Variants in RRAGD observed in about 807,000 individuals in gnomAD.
The protein encoded by RRAGD is ras-related GTP-binding protein D.
RRAGD carries 12 observed loss-of-function variants against 35.5 expected under a neutral mutation model. That is an observed-to-expected ratio of 0.34 (90% CI 0.22 to 0.55). The LOEUF (loss-of-function observed/expected upper bound fraction) is 0.55. Ranked by LOEUF, RRAGD falls within the 20% of genes least tolerant of loss-of-function variation. RRAGD has a pLI of 0.91. For missense variants in RRAGD, 324 were observed against 490.1 expected, an observed-to-expected ratio of 0.66 and a Z score of 3.20; for synonymous variants, 155 against 178.9, an observed-to-expected ratio of 0.87 and a Z score of 1.07.
intron 2 of RRAGD, among the ~76,000 whole-genome samples, chr6:89,381,138 G>A (rs935866202): frequency 1.3e-5 from 2 of 152,280 alleles, no homozygotes; most frequent in Admixed American, 1.3e-4. Context: ...GCAGACCACC[G>A]TCTGCAGGCC....
At chr6:89,399,437 G>A (rs1268059994) in intron 1 of RRAGD, among the ~76,000 whole-genome samples, 3 of 152,136 alleles carry the variant, frequency 2.0e-5, no homozygotes, top group South Asian at 2.1e-4. Context: ...CCCTAGTTCC[G>A]AATAGATGCA....
chr6:89,389,911 A>G lies in RRAGD; in HGVS notation c.149-2321T>C, dbSNP rs1307670356. 3.9e-5 allele frequency among the ~76,000 whole-genome samples: 6 copies of G among 152,352 alleles called. No individual in the cohort carries two copies. The East Asian group carries it at 1.2e-3, about 29-fold the overall frequency. On this transcript the variant is annotated intron_variant, in intron 1 of 6. Transcript: ENST00000369415. ...AGGGCTGTTACAATAAATGAGATCAAGGACCTAAAACAATTATTAAAACTA... is the reference window on the plus strand; with the variant it reads ...AGGGCTGTTACAATAAATGAGATCAGGGACCTAAAACAATTATTAAAACTA...
At chr6:89,392,323 C>A (rs928807461) in intron 1 of RRAGD, among the ~76,000 whole-genome samples, 2 of 151,592 alleles carry the variant, frequency 1.3e-5, no homozygotes, top group African/African-American at 2.4e-5. Flanking sequence ...AAAAAAAATT[C>A]TTTTTAATTG....
chr6:89,366,073 CTTAA>C lies in RRAGD; in HGVS notation c.*1979_*1982del, dbSNP rs1768737194. 6.6e-6 allele frequency: 1 copy of C among 152,170 alleles called. No homozygotes were observed. The highest frequency in any genetic ancestry group is 1.5e-5 in the Non-Finnish European group (1 of 68,026). The allele number at this position is 152,170 out of a possible 1,614,324, so 9.4% of individuals were successfully genotyped here. On this transcript the variant is annotated 3_prime_UTR_variant, in exon 7 of 7. Transcript: ENST00000369415. ...ATCATGAGGAAAGGAGTTAGGGCACCTTAATTATTTTTAGAAATCTCCTTTCAAA... is the reference window on the plus strand; with the variant it reads ...ATCATGAGGAAAGGAGTTAGGGCACCTTATTTTTAGAAATCTCCTTTCAAA...
At chr6:89,399,967 G>A (rs1654725242) in intron 1 of RRAGD, among the ~76,000 whole-genome samples, 1 of 152,072 alleles carries the variant, frequency 6.6e-6, no homozygotes, top group South Asian at 2.1e-4. Flanking sequence ...TTCTACCCCT[G>A]AGGAATCTCG....
intron 5 of RRAGD, among the ~76,000 whole-genome samples, chr6:89,373,357 A>G (rs1247001597): frequency 6.6e-6 from 1 of 152,234 alleles, no homozygotes; most frequent in Non-Finnish European, 1.5e-5. Context: ...GCAGTGGCTC[A>G]CGCCTGTAAT....
chr6:89,384,916 T>C (rs577088083), intron 2 of RRAGD, among the ~76,000 whole-genome samples: 304 of 151,824 alleles, frequency 2.0e-3, no homozygotes, highest in African/African-American at 6.8e-3. Context: ...GAGCCAAGGA[T>C]AGTAGCATGC....
At chr6:89,378,923 G>A (rs1170430339) in intron 4 of RRAGD, among the ~76,000 whole-genome samples, 1 of 151,668 alleles carries the variant, frequency 6.6e-6, no homozygotes, top group African/African-American at 2.4e-5. Flanking sequence ...TACCACACCT[G>A]GCTAGTTTTT....
At chr6:89,402,038 A>ATGTTTTTTTTTTTT (rs1554205016) in intron 1 of RRAGD, among the ~76,000 whole-genome samples, 1 of 78,440 alleles carries the variant, frequency 1.3e-5, no homozygotes, top group Non-Finnish European at 2.2e-5. Flanking sequence ...AATCCTAAGG[A>ATGTTTTTTTTTTTT]TTTTTTTTTT....
chr6:89,369,754 A>G (rs1312579309), intron 6 of RRAGD, among the ~76,000 whole-genome samples: 1 of 152,204 alleles, frequency 6.6e-6, no homozygotes, highest in African/African-American at 2.4e-5. Context: ...ACATTTCAAA[A>G]TGTAACAGTA....
At position 89,382,602 on chromosome 6, in the gene RRAGD, G is replaced by A. The variant is rs192775505; in HGVS notation, c.445-2235C>T. 2.3e-3 allele frequency among the ~76,000 whole-genome samples: 342 copies of A among 151,746 alleles called. 11 individuals are homozygous for A. The East Asian group carries it at 0.05, about 22-fold the overall frequency. ...AAAATTAAATAAAATGAGGCCGGGC[G>A]CGGTGGCTCACGCCTGTAATCCCAG... On this transcript the variant is annotated intron_variant, in intron 2 of 6. Transcript: ENST00000369415.
chr6:89,378,279 G>A (rs1768981541), intron 4 of RRAGD, among the ~76,000 whole-genome samples: 2 of 149,586 alleles, frequency 1.3e-5, no homozygotes, highest in African/African-American at 5.0e-5. Flanking sequence ...TCCAGCCTGG[G>A]CAACAAGAGC....
In RRAGD at chr6:89,377,743, G is replaced by T; in HGVS notation, c.830C>A (p.Pro277Gln). The T allele has an allele frequency of 6.2e-7, 1 of 1,611,256 alleles. No individual in the cohort carries two copies. The highest frequency in any genetic ancestry group is 2.2e-5 in the East Asian group (1 of 44,778). ...SKIYIATDST[P>Q]VDMQTYELCC... is the part of the protein sequence containing the mutation. Reference sequence around the variant, plus strand: ...GAGCTCATAGGTTTGCATATCCACCGGAGTACTATCAGTTGCAATATAAAT... The same window carrying T: ...GAGCTCATAGGTTTGCATATCCACCTGAGTACTATCAGTTGCAATATAAAT... The change falls in exon 5 of 7, where the codon CCG becomes CAG. Residue 277 changes from proline to glutamine, a missense_variant. By Grantham distance (76) the Pro-to-Gln change is moderately conservative (BLOSUM62 -1). Coordinates refer to ENST00000369415, the MANE Select transcript of RRAGD (RefSeq NM_021244.5).
At chr6:89,401,372 C>A (rs1343959563) in intron 1 of RRAGD, among the ~76,000 whole-genome samples, 1 of 152,016 alleles carries the variant, frequency 6.6e-6, no homozygotes, top group Non-Finnish European at 1.5e-5. Flanking sequence ...ATTCTCCTAC[C>A]TCAGTCTCCT....
At chr6:89,372,744 CA>C (rs1176425483) in intron 5 of RRAGD, among the ~76,000 whole-genome samples, 159 bp from the exon 6 acceptor site, 1 of 152,212 alleles carries the variant, frequency 6.6e-6, no homozygotes, top group Non-Finnish European at 1.5e-5. Context: ...CACACAGGCA[CA>C]AAAACATACA....
intron 3 of RRAGD, among the ~76,000 whole-genome samples, chr6:89,379,727 C>T: frequency 6.6e-6 from 1 of 152,082 alleles, no homozygotes; most frequent in East Asian, 1.9e-4. Flanking sequence ...TTTCCATTTC[C>T]CAATTTACAA....
intron 1 of RRAGD, among the ~76,000 whole-genome samples, chr6:89,403,373 A>T (rs896866989): frequency 9.9e-5 from 15 of 152,080 alleles, no homozygotes; most frequent in Admixed American, 6.5e-5. Context: ...TGAACCCAGG[A>T]GGCGGAGCTT....
chr6:89,365,282 A>G lies in RRAGD; in HGVS notation c.*2774T>C, dbSNP rs1350746960. 2 of 152,228 alleles carry G rather than the reference A, an allele frequency of 1.3e-5. No homozygotes were observed. The highest frequency in any genetic ancestry group is 2.9e-5 in the Non-Finnish European group (2 of 68,038). 9.4% of individuals were successfully genotyped at this position (152,228 alleles called of 1,614,324 possible). On this transcript the variant is annotated 3_prime_UTR_variant, in exon 7 of 7. Transcript: ENST00000369415. ...GTCTCACCTCTATGTAAAAATTCTAATTGACTCAACAGGGAAAGGACTGCC... is the reference window on the plus strand; with the variant it reads ...GTCTCACCTCTATGTAAAAATTCTAGTTGACTCAACAGGGAAAGGACTGCC...
Position 89,387,511 on chromosome 6 carries a change from C to A in RRAGD, c.228G>T (p.Ser76=), listed in dbSNP as rs560624829. 1 of 1,614,174 alleles carries A rather than the reference C, an allele frequency of 6.2e-7. No homozygotes were observed. Among genetic ancestry groups the A allele is most frequent in the East Asian group, 2.2e-5 (1 of 44,886 alleles). ...LLMGLRRSGK[S]SIQKVVFHKM... is the part of the protein sequence containing the mutation. ...TGTGAAAGACAACTTTCTGAATAGA[C>A]GACTTGCCGCTTCTCCTCAGGCCCA... The change falls in exon 2 of 7, where the codon TCG becomes TCT. Residue 76 remains serine (S), a synonymous_variant. Coordinates refer to ENST00000369415, the MANE Select transcript of RRAGD (RefSeq NM_021244.5).
Sources: allele counts gnomAD v4.1 joint callset (sites outside exome capture counted in the v4.1 genomes callset), GRCh38; gene constraint gnomAD v4.1.1; transcripts MANE v1.5; gene names NCBI Gene and HGNC (gene_info 2026-07-23, HGNC 2026-07-21).